The following INTS5 variants were observed in gnomAD, a reference collection of about 807,000 sequenced individuals.
INTS5 encodes KIAA1698.
INTS5 carries 29 observed loss-of-function variants against 60.0 expected under a neutral mutation model. The ratio of observed to expected loss-of-function variants is 0.48; its 90% CI spans 0.36 to 0.66. The LOEUF (loss-of-function observed/expected upper bound fraction) is 0.66, where lower values mean the gene tolerates loss of function less well. Among genes scored for constraint, INTS5 ranks in the 30% least tolerant of loss-of-function variants. INTS5 has a pLI of 0.00. For synonymous variants in INTS5, 588 were observed against 558.8 expected, an observed-to-expected ratio of 1.05 and a Z score of -0.74; for missense variants, 1,129 against 1,307.9, an observed-to-expected ratio of 0.86 and a Z score of 2.11.
In INTS5 at chr11:62,647,113, G is replaced by A; in HGVS notation, c.2967C>T (p.His989=). 6 of 1,614,168 alleles carry A rather than the reference G, an allele frequency of 3.7e-6. No homozygotes were observed. Among genetic ancestry groups the A allele is most frequent in the Non-Finnish European group, 5.1e-6 (6 of 1,180,032 alleles). ...GGTCGATGTTGCGGTGGAGGACACT[G>A]TGCAGCACAGCCAGATGGGGTCCAC... ...GEGGPHLAVL[H]SVLHRNIDRL... is the part of the protein sequence containing the mutation. Residue 989 remains histidine, a synonymous_variant, in exon 2 of 2, where the codon CAC becomes CAT. Coordinates refer to ENST00000330574, the MANE Select transcript of INTS5 (RefSeq NM_030628.2).
rs1375869275 is a variant in INTS5 at position 62,646,865 on chromosome 11, CA to C, written c.*154del. Reference sequence around the variant, plus strand: ...CACTGGACTGGTTTTCTCAAGTTGGCAAATTTTATTTAGAAAAAAAAAAGTG... The same window carrying C: ...CACTGGACTGGTTTTCTCAAGTTGGCAATTTTATTTAGAAAAAAAAAAGTG... On this transcript the variant is annotated 3_prime_UTR_variant, in exon 2 of 2. Transcript: ENST00000330574. The C allele has an allele frequency of 1.3e-6, 1 of 783,282 alleles. No individual in the cohort carries two copies. The highest frequency in any genetic ancestry group is 1.8e-5 in the African/African-American group (1 of 56,784). 48.5% of individuals were successfully genotyped at this position (783,282 alleles called of 1,614,324 possible).
chr11:62,648,030 C>A lies in INTS5; in HGVS notation c.2050G>T (p.Gly684Trp). Residue 684 changes from glycine to tryptophan, a missense_variant, in exon 2 of 2, where the codon GGG (glycine) becomes TGG (tryptophan). By Grantham distance (184) the Gly-to-Trp change is radical (BLOSUM62 -2). Transcript: ENST00000330574. This position sits in a 1 kb window ranked among gnomAD's most constrained non-coding sequence, Gnocchi z 4.4. ...AGCAGCTGCAGGACAGCCTTGAGCC[C>A]AGCTGGGGATGTCTGAGACAGGCGG... ...LTRLSQTSPA[G>W]LKAVLQLLVE... The A allele has an allele frequency of 6.2e-7, 1 of 1,614,214 alleles. No individual in the cohort carries two copies. The highest frequency in any genetic ancestry group is 1.1e-5 in the South Asian group (1 of 91,088).
chr11:62,648,751 C>T lies in INTS5; in HGVS notation c.1329G>A (p.Leu443=). Residue 443 remains leucine, a synonymous_variant, in exon 2 of 2, where the codon CTG becomes CTA. Coordinates refer to ENST00000330574, the MANE Select transcript of INTS5 (RefSeq NM_030628.2). The surrounding 1 kb of genome is among the most constrained non-coding windows in gnomAD (Gnocchi z 4.4). ...EACDRLIQLL[L]LHLQKLVHHR... ...GATGAACCAGTTTTTGCAGGTGCAG[C>T]AGCAGCAGCTGGATTAGCCGGTCAC... The T allele has an allele frequency of 6.2e-7, 1 of 1,614,206 alleles. No homozygotes were observed. Among genetic ancestry groups the T allele is most frequent in the Non-Finnish European group, 8.5e-7 (1 of 1,180,042 alleles).
In INTS5 at chr11:62,649,698, C is replaced by T; in HGVS notation, c.382G>A (p.Val128Met). ...LEDVVQEVQQ[V>M]LSEFIRANPK... ...TTGGCCCGGATAAACTCAGACAGCACCTGCTGCACTTCCTGAACCACATCC... is the reference window on the plus strand; with the variant it reads ...TTGGCCCGGATAAACTCAGACAGCATCTGCTGCACTTCCTGAACCACATCC... Residue 128 changes from valine (V) to methionine (M), a missense_variant, in exon 2 of 2, where the codon GTG becomes ATG. Physicochemically the swap from Val to Met is conservative, Grantham distance 21. Transcript: ENST00000330574. This position sits in a 1 kb window ranked among gnomAD's most constrained non-coding sequence, Gnocchi z 6.0. The T allele has an allele frequency of 4.3e-6, 7 of 1,614,208 alleles. No homozygotes were observed. Among genetic ancestry groups the T allele is most frequent in the Non-Finnish European group, 5.9e-6 (7 of 1,180,040 alleles).
At position 62,647,771 on chromosome 11, in the gene INTS5, T is replaced by C; in HGVS notation, c.2309A>G (p.Gln770Arg). Residue 770 changes from glutamine to arginine, a missense_variant, in exon 2 of 2, where the codon CAG becomes CGG. Gln to Arg is a conservative substitution (Grantham distance 43, BLOSUM62 1). Transcript: ENST00000330574. ...GCTCTGGGTGTTATAGATCACTTCCTGCTGATTTCGTGACTGGACAAACTT... is the reference window on the plus strand; with the variant it reads ...GCTCTGGGTGTTATAGATCACTTCCCGCTGATTTCGTGACTGGACAAACTT... ...PPKFVQSRNQ[Q>R]EVIYNTQSLL... The C allele has an allele frequency of 6.2e-7, 1 of 1,614,208 alleles. No individual in the cohort carries two copies. The highest frequency in any genetic ancestry group is 8.5e-7 in the Non-Finnish European group (1 of 1,180,038).
At position 62,649,235 on chromosome 11, in the gene INTS5, A is replaced by C; in HGVS notation, c.845T>G (p.Ile282Ser). The C allele has an allele frequency of 6.2e-7, 1 of 1,613,798 alleles. No homozygotes were observed. The highest frequency in any genetic ancestry group is 8.5e-7 in the Non-Finnish European group (1 of 1,179,718). The change falls in exon 2 of 2, where the codon ATT (isoleucine) becomes AGT (serine). Residue 282 changes from isoleucine to serine, a missense_variant. Ile to Ser is a moderately radical substitution (Grantham distance 142, BLOSUM62 -2). Around this residue, in one of 3 missense-constraint regions of INTS5, gnomAD observed 1,070 missense variants for 1,246.1 expected, o/e 0.86. Transcript: ENST00000330574. This position sits in a 1 kb window ranked among gnomAD's most constrained non-coding sequence, Gnocchi z 6.0. ...STDPFPGSPA[I>S]PAEKRVPKIA... is the part of the protein sequence containing the mutation. ...CTTGGGCACCCGTTTCTCCGCAGGA[A>C]TGGCAGGAGATCCAGGGAAGGGGTC...
Position 62,647,991 on chromosome 11 carries a change from A to C in INTS5, c.2089T>G (p.Leu697Val). 12 of 1,614,152 alleles carry C rather than the reference A, an allele frequency of 7.4e-6. No individual in the cohort carries two copies. The highest frequency in any genetic ancestry group is 1.0e-5 in the Non-Finnish European group (12 of 1,180,006). Reference protein sequence around the residue: ...AVLQLLVEGALHRGNTELFGG... With the variant: ...AVLQLLVEGAVHRGNTELFGG... Reference sequence around the variant, plus strand: ...AACAGTTCTGTGTTGCCTCGATGTAAGGCTCCTTCAACCAGCAGCTGCAGG... The same window carrying C: ...AACAGTTCTGTGTTGCCTCGATGTACGGCTCCTTCAACCAGCAGCTGCAGG... The change falls in exon 2 of 2, where the codon TTA becomes GTA. Residue 697 changes from leucine (L) to valine (V), a missense_variant. Coordinates refer to ENST00000330574, the MANE Select transcript of INTS5 (RefSeq NM_030628.2).
chr11:62,649,333 G>A lies in INTS5; in HGVS notation c.747C>T (p.Asp249=), dbSNP rs368753345. Residue 249 remains aspartate, a synonymous_variant, in exon 2 of 2, where the codon GAC becomes GAT. Transcript: ENST00000330574. The surrounding 1 kb of genome is among the most constrained non-coding windows in gnomAD (Gnocchi z 6.0). ...ISRVLSCGLK[D]FCVHGGAGGG... ...CTCCAGCCCCACCATGGACACAAAA[G>A]TCCTTAAGGCCACAGGAGAGAACCC... 3 of 1,614,054 alleles carry A rather than the reference G, an allele frequency of 1.9e-6. No individual in the cohort carries two copies. Among genetic ancestry groups the A allele is most frequent in the Non-Finnish European group, 2.5e-6 (3 of 1,180,040 alleles).
In INTS5 at chr11:62,646,997, T is replaced by G; in HGVS notation, c.*23A>C. On this transcript the variant is annotated 3_prime_UTR_variant, in exon 2 of 2. Coordinates refer to ENST00000330574, the MANE Select transcript of INTS5 (RefSeq NM_030628.2). Reference sequence around the variant, plus strand: ...TCCCTCTCTCACTGCTCAACCTCCCTGGGCTTCCAGAGCAAGAAAAGGCTA... The same window carrying G: ...TCCCTCTCTCACTGCTCAACCTCCCGGGGCTTCCAGAGCAAGAAAAGGCTA... The G allele has an allele frequency of 6.3e-7, 1 of 1,586,664 alleles. No individual in the cohort carries two copies. Among genetic ancestry groups the G allele is most frequent in the Non-Finnish European group, 8.6e-7 (1 of 1,160,228 alleles).
rs1944579447 is a variant in INTS5, at chr11:62,649,767, G to A, written c.313C>T (p.Pro105Ser). The A allele has an allele frequency of 6.2e-7, 1 of 1,614,112 alleles. No individual in the cohort carries two copies. Among genetic ancestry groups the A allele is most frequent in the Non-Finnish European group, 8.5e-7 (1 of 1,180,048 alleles). ...TPVAGPPHLR[P>S]PPPSHVPAGG... is the part of the protein sequence containing the mutation. ...GCAGGGACATGAGAGGGTGGAGGTG[G>A]ACGGAGGTGAGGTGGACCAGCCACA... Residue 105 changes from proline to serine, a missense_variant, in exon 2 of 2, where the codon CCA becomes TCA. By Grantham distance (74) the Pro-to-Ser change is moderately conservative (BLOSUM62 -1). This residue lies in a region of INTS5 where 1,070 missense variants were observed against 1,246.1 expected (regional missense o/e 0.86). Transcript: ENST00000330574. This position sits in a 1 kb window ranked among gnomAD's most constrained non-coding sequence, Gnocchi z 6.0.
chr11:62,651,846 C>T (rs1008894892), intron 1 of INTS5, among the ~76,000 whole-genome samples: 1 of 151,614 alleles, frequency 6.6e-6, no homozygotes. Flanking sequence ...CTGTGTGCGC[C>T]GTCAAAAAAA....
rs1198180272 is a variant in INTS5 at position 62,653,274 on chromosome 11, G to A, written c.-25C>T. On this transcript the variant is annotated 5_prime_UTR_variant, in exon 1 of 2. Coordinates refer to ENST00000330574, the MANE Select transcript of INTS5 (RefSeq NM_030628.2). ...TCCCGGAGCCCGAGCCGAGCCCGAG[G>A]CGCGAGCGGCGGAGCGCAGGCGGCG... 34 of 1,240,846 alleles carry A rather than the reference G, an allele frequency of 2.7e-5. No homozygotes were observed. Among genetic ancestry groups the A allele is most frequent in the African/African-American group, 4.7e-5 (3 of 64,294 alleles). 76.9% of individuals were successfully genotyped at this position (1,240,846 alleles called of 1,614,324 possible). A position where few individuals can be genotyped will look rare whatever the true frequency, so the allele number is the denominator to read the frequency against.
rs571896312 is a variant in INTS5, at chr11:62,647,984, C to G, written c.2096G>C (p.Arg699Pro). 6.2e-7 allele frequency: 1 copy of G among 1,614,144 alleles called. No homozygotes were observed. Residue 699 changes from arginine (R) to proline (P), a missense_variant, in exon 2 of 2, where the codon CGA (arginine) becomes CCA (proline). By Grantham distance (103) the Arg-to-Pro change is moderately radical. Around this residue, in one of 3 missense-constraint regions of INTS5, gnomAD observed 1,070 missense variants for 1,246.1 expected, o/e 0.86. Transcript: ENST00000330574. ...LQLLVEGALH[R>P]GNTELFGGQV... ...CCCACCAAACAGTTCTGTGTTGCCT[C>G]GATGTAAGGCTCCTTCAACCAGCAG...
chr11:62,652,605 C>T (rs1279259563), intron 1 of INTS5, among the ~76,000 whole-genome samples: 1 of 152,090 alleles, frequency 6.6e-6, no homozygotes, highest in Non-Finnish European at 1.5e-5. Flanking sequence ...TCAACCCTTT[C>T]CCTCCTAAAA....
At position 62,647,919 on chromosome 11, in the gene INTS5, C is replaced by A; in HGVS notation, c.2161G>T (p.Ala721Ser). The A allele has an allele frequency of 1.2e-6, 2 of 1,614,256 alleles. No homozygotes were observed. Among genetic ancestry groups the A allele is most frequent in the Non-Finnish European group, 1.7e-6 (2 of 1,180,050 alleles). ...AACAGGGAGGCAGAAGCCAAAGAAGCTGAAACAACTGAGAGAGTCTCATTG... is the reference window on the plus strand; with the variant it reads ...AACAGGGAGGCAGAAGCCAAAGAAGATGAAACAACTGAGAGAGTCTCATTG... ...GDNETLSVVS[A>S]SLASASLLDT... Residue 721 changes from alanine (A) to serine (S), a missense_variant, in exon 2 of 2, where the codon GCT becomes TCT. Around this residue, in one of 3 missense-constraint regions of INTS5, gnomAD observed 1,070 missense variants for 1,246.1 expected, o/e 0.86. Coordinates refer to ENST00000330574, the MANE Select transcript of INTS5 (RefSeq NM_030628.2).
Position 62,649,098 on chromosome 11 carries a change from G to C in INTS5, c.982C>G (p.Arg328Gly). 6.2e-7 allele frequency: 1 copy of C among 1,610,452 alleles called. No homozygotes were observed. The highest frequency in any genetic ancestry group is 8.5e-7 in the Non-Finnish European group (1 of 1,177,154). The change falls in exon 2 of 2, where the codon CGC (arginine) becomes GGC (glycine). Residue 328 changes from arginine (R) to glycine (G), a missense_variant. Transcript: ENST00000330574. This position sits in a 1 kb window ranked among gnomAD's most constrained non-coding sequence, Gnocchi z 6.0. Reference sequence around the variant, plus strand: ...GCCTGAAGGGAGGGGTCCCCACTGCGGCCTCCAGATCCCCCTGCCAGGCTA... The same window carrying C: ...GCCTGAAGGGAGGGGTCCCCACTGCCGCCTCCAGATCCCCCTGCCAGGCTA... ...HDSLAGGSGG[R>G]SGDPSLQATV...
Position 62,649,678 on chromosome 11 carries a change from C to A in INTS5, c.402G>T (p.Arg134=), listed in dbSNP as rs749134189. ...CAGGTGCCCAGGCCTTTGGGTTGGC[C>A]CGGATAAACTCAGACAGCACCTGCT... ...EVQQVLSEFI[R]ANPKAWAPVI... The change falls in exon 2 of 2, where the codon CGG becomes CGT. Residue 134 remains arginine (R), a synonymous_variant. Coordinates refer to ENST00000330574, the MANE Select transcript of INTS5 (RefSeq NM_030628.2). This position sits in a 1 kb window ranked among gnomAD's most constrained non-coding sequence, Gnocchi z 6.0. 1.9e-6 allele frequency: 3 copies of A among 1,614,164 alleles called. No homozygotes were observed. The highest frequency in any genetic ancestry group is 2.5e-6 in the Non-Finnish European group (3 of 1,180,028).
chr11:62,647,708 C>A lies in INTS5; in HGVS notation c.2372G>T (p.Gly791Val). The change falls in exon 2 of 2, where the codon GGG (glycine) becomes GTG (valine). Residue 791 changes from glycine to valine, a missense_variant. Physicochemically the swap from Gly to Val is moderately radical, Grantham distance 109. This residue lies in a region of INTS5 where 1,070 missense variants were observed against 1,246.1 expected (regional missense o/e 0.86). Transcript: ENST00000330574. ...SLLVHCCSAP[G>V]GTECGECWGA... ...CCAGCATTCCCCACATTCAGTGCCC[C>A]CTGGGGCACTGCAGCAGTGAACCAG... is the stretch of plus-strand genomic sequence containing the variant. 1 of 1,614,172 alleles carries A rather than the reference C, an allele frequency of 6.2e-7. No individual in the cohort carries two copies. The highest frequency in any genetic ancestry group is 1.1e-5 in the South Asian group (1 of 91,090).
rs368980766 is a variant in INTS5, at chr11:62,649,722, C to T, written c.358G>A (p.Asp120Asn). ...HVPAGGPGLE[D>N]VVQEVQQVLS... ...ACCTGCTGCACTTCCTGAACCACAT[C>T]CTCTAGACCAGGTCCACCAGCAGGG... Residue 120 changes from aspartate to asparagine, a missense_variant, in exon 2 of 2, where the codon GAT (aspartate) becomes AAT (asparagine). Physicochemically the swap from Asp to Asn is conservative, Grantham distance 23. Transcript: ENST00000330574. This position sits in a 1 kb window ranked among gnomAD's most constrained non-coding sequence, Gnocchi z 6.0. 1.2e-6 allele frequency: 2 copies of T among 1,614,122 alleles called. No homozygotes were observed. The highest frequency in any genetic ancestry group is 2.7e-5 in the African/African-American group (2 of 74,930).
Sources: gnomAD v4.1 joint callset for allele counts (sites outside exome capture counted in the v4.1 genomes callset) on GRCh38, gnomAD v4.1.1 for gene constraint, gnomAD v4.1.1 regional missense constraint, Gnocchi (gnomAD v3.1) non-coding constraint, MANE v1.5 for transcripts, NCBI Gene and HGNC (gene_info 2026-07-23, HGNC 2026-07-21) for gene names.